Variants in ZNF212 observed in about 807,000 individuals in gnomAD.
ZNF212 encodes the protein Zinc finger protein C2H2-150.
ZNF212 carries 32 observed loss-of-function variants against 47.3 expected under a neutral mutation model. That is an observed-to-expected ratio of 0.68 (90% CI 0.51 to 0.91). The LOEUF is 0.91. Ranked by LOEUF, ZNF212 falls within the 40% of genes least tolerant of loss-of-function variation. The probability of loss-of-function intolerance (pLI) is 0.00; values close to 1 mark genes in which losing one functional copy is unlikely to be tolerated. For synonymous variants in ZNF212, 242 were observed against 253.8 expected, an observed-to-expected ratio of 0.95 and a Z score of 0.44; for missense variants, 555 against 622.8, an observed-to-expected ratio of 0.89 and a Z score of 1.16.
At chr7:149,252,818 G>C (rs1454533028) in intron 4 of ZNF212, 23 bp downstream of exon 4, 1 of 1,610,956 alleles carries the variant, frequency 6.2e-7, no homozygotes, top group Non-Finnish European at 8.5e-7. Flanking sequence ...GGAATATTCT[G>C]TTCCCCTTCC....
At chr7:149,250,849 C>A in intron 3 of ZNF212, 42 bp downstream of exon 3, 1 of 1,609,014 alleles carries the variant, frequency 6.2e-7, no homozygotes. Flanking sequence ...CTCAGACATA[C>A]TACAATTCCT....
chr7:149,240,155 G>C, intron 1 of ZNF212: 1 of 254,498 alleles, frequency 3.9e-6, no homozygotes, highest in East Asian at 7.1e-5. Context: ...GGTCTCCGTC[G>C]CTACGAGTGA....
rs747368385 is a variant in ZNF212 at position 149,250,808 on chromosome 7, G to A, written c.541+1G>A. ...AACTATGAGACACTGGTCTCTCTGA[G>A]TGAGTAGCAGTTTTCTCCCTAGAAT... On this transcript the variant is annotated splice_donor_variant, in intron 3 of 4. Coordinates refer to ENST00000335870, the MANE Select transcript of ZNF212 (RefSeq NM_012256.4). LOFTEE classifies it high-confidence loss of function. 2 of 1,614,198 alleles carry A rather than the reference G, an allele frequency of 1.2e-6. No individual in the cohort carries two copies. The highest frequency in any genetic ancestry group is 3.3e-5 in the Admixed American group (2 of 60,024).
rs181513942 is a variant in ZNF212 at position 149,253,470 on chromosome 7, T to C, written c.632-89T>C. On this transcript the variant is annotated intron_variant, in intron 4 of 4. Transcript: ENST00000335870. Reference sequence around the variant, plus strand: ...CCTAATTCACTTATTCCTGGGGTGCTTCTGAAATTCACAGATGTTTGTTTG... The same window carrying C: ...CCTAATTCACTTATTCCTGGGGTGCCTCTGAAATTCACAGATGTTTGTTTG... 28 of 1,484,492 alleles carry C rather than the reference T, an allele frequency of 1.9e-5. No homozygotes were observed. In the African/African-American group the frequency reaches 3.5e-4, roughly 19 times the overall value. The allele number at this position is 1,484,492 out of a possible 1,614,324, so 92.0% of individuals were successfully genotyped here. A position where few individuals can be genotyped will look rare whatever the true frequency, so the allele number is the denominator to read the frequency against.
intron 1 of ZNF212, among the ~76,000 whole-genome samples, chr7:149,245,009 A>C (rs1563187623): frequency 6.6e-6 from 1 of 152,220 alleles, no homozygotes; most frequent in Non-Finnish European, 1.5e-5. Flanking sequence ...GATGGTTGGA[A>C]TAGATACCTA....
At position 149,254,031 on chromosome 7, in the gene ZNF212, G is replaced by C. The variant is rs1411558555; in HGVS notation, c.1104G>C (p.Leu368=). 1 of 1,612,924 alleles carries C rather than the reference G, an allele frequency of 6.2e-7. No homozygotes were observed. The highest frequency in any genetic ancestry group is 1.1e-5 in the South Asian group (1 of 90,876). Reference sequence around the variant, plus strand: ...AACCACAGACCAAAAAGGCCAAGCTGCATCAGTGTGATGTGTGCCTGAGGA... The same window carrying C: ...AACCACAGACCAAAAAGGCCAAGCTCCATCAGTGTGATGTGTGCCTGAGGA... ...RLKPQTKKAK[L]HQCDVCLRSF... Residue 368 remains leucine (L), a synonymous_variant, in exon 5 of 5, where the codon CTG becomes CTC. Coordinates refer to ENST00000335870, the MANE Select transcript of ZNF212 (RefSeq NM_012256.4). This position sits in a 1 kb window ranked among gnomAD's most constrained non-coding sequence, Gnocchi z 4.5.
chr7:149,254,299 A>G lies in ZNF212; in HGVS notation c.1372A>G (p.Thr458Ala), dbSNP rs2129524428. The change falls in exon 5 of 5, where the codon ACT becomes GCT. Residue 458 changes from threonine to alanine, a missense_variant. Coordinates refer to ENST00000335870, the MANE Select transcript of ZNF212 (RefSeq NM_012256.4). This position sits in a 1 kb window ranked among gnomAD's most constrained non-coding sequence, Gnocchi z 4.5. ...CACGGGTGAGCGGCCCTACAGCTGCACTGAGTGTGAGAAGAGCTTTGTCCA... is the reference window on the plus strand; with the variant it reads ...CACGGGTGAGCGGCCCTACAGCTGCGCTGAGTGTGAGAAGAGCTTTGTCCA... ...IHTGERPYSC[T>A]ECEKSFVQKQ... 2 of 1,614,078 alleles carry G rather than the reference A, an allele frequency of 1.2e-6. No homozygotes were observed. The highest frequency in any genetic ancestry group is 1.7e-6 in the Non-Finnish European group (2 of 1,180,038).
At position 149,250,424 on chromosome 7, in the gene ZNF212, T is replaced by C. The variant is rs775892603; in HGVS notation, c.290T>C (p.Leu97Pro). ...CAGCTGGAGGGCAAGTGGGCCGTGC[T>C]GGGGACCCTGCTGCAGGAGTATGGG... Reference protein sequence around the residue: ...GNQLEGKWAVLGTLLQEYGLL... With the variant: ...GNQLEGKWAVPGTLLQEYGLL... The change falls in exon 2 of 5, where the codon CTG (leucine) becomes CCG (proline). Residue 97 changes from leucine (L) to proline (P), a missense_variant. Leu to Pro is a moderately conservative substitution (Grantham distance 98). Transcript: ENST00000335870. 19 of 1,614,028 alleles carry C rather than the reference T, an allele frequency of 1.2e-5. No individual in the cohort carries two copies. The Admixed American group carries it at 3.2e-4, about 27-fold the overall frequency.
chr7:149,243,382 C>G (rs1452760355), intron 1 of ZNF212, among the ~76,000 whole-genome samples: 1 of 124,310 alleles, frequency 8.0e-6, no homozygotes, highest in Admixed American at 1.0e-4. Flanking sequence ...TGCAGTGAGC[C>G]AAGATTGCGC....
rs1247493232 is a variant in ZNF212, at chr7:149,254,661, T to C, written c.*246T>C. The C allele has an allele frequency of 1.9e-6, 1 of 525,198 alleles. No individual in the cohort carries two copies. The highest frequency in any genetic ancestry group is 3.2e-6 in the Non-Finnish European group (1 of 311,610). The allele number at this position is 525,198 out of a possible 1,614,324, so 32.5% of individuals were successfully genotyped here. Reference sequence around the variant, plus strand: ...ACCTTCAGGTCTCTGGTTTTCTCATTCATGCCAATGCTTGTGGGCTGGGGT... The same window carrying C: ...ACCTTCAGGTCTCTGGTTTTCTCATCCATGCCAATGCTTGTGGGCTGGGGT... On this transcript the variant is annotated 3_prime_UTR_variant, in exon 5 of 5. Transcript: ENST00000335870. This position sits in a 1 kb window ranked among gnomAD's most constrained non-coding sequence, Gnocchi z 4.5.
Position 149,254,364 on chromosome 7 carries a change from G to A in ZNF212, c.1437G>A (p.Arg479=), listed in dbSNP as rs745363201. ...TGCAGCACCAGAAGATCCACCAGCGGGAGCGGGGTGGGCTGGCCCTGGAGC... is the reference window on the plus strand; with the variant it reads ...TGCAGCACCAGAAGATCCACCAGCGAGAGCGGGGTGGGCTGGCCCTGGAGC... ...HLLQHQKIHQ[R]ERGGLALEPG... is the part of the protein sequence containing the mutation. The change falls in exon 5 of 5, where the codon CGG becomes CGA. Residue 479 remains arginine (R), a synonymous_variant. Coordinates refer to ENST00000335870, the MANE Select transcript of ZNF212 (RefSeq NM_012256.4). This position sits in a 1 kb window ranked among gnomAD's most constrained non-coding sequence, Gnocchi z 4.5. 8 of 1,609,004 alleles carry A rather than the reference G, an allele frequency of 5.0e-6. No individual in the cohort carries two copies. The highest frequency in any genetic ancestry group is 1.7e-5 in the Admixed American group (1 of 60,014).
chr7:149,242,021 C>CTTTTTTTTTTTTTTTTTTTTTTTTTTTT (rs34883587), intron 1 of ZNF212, among the ~76,000 whole-genome samples: 4 of 121,346 alleles, frequency 3.3e-5, no homozygotes, highest in African/African-American at 6.2e-5. Context: ...CTTTTCTTTT[C>CTTTTTTTTTTTTTTTTTTTTTTTTTTTT]TTTTTTTTTT....
rs754345405 is a variant in ZNF212, at chr7:149,250,171, C to T, written c.37C>T (p.Arg13Ter). The change falls in exon 2 of 5, where the codon CGA (arginine) becomes TGA (stop). Residue 13 changes from arginine (R) to a stop codon, truncating the protein, a stop_gained. Coordinates refer to ENST00000335870, the MANE Select transcript of ZNF212 (RefSeq NM_012256.4). LOFTEE classifies it high-confidence loss of function. Reference sequence around the variant, plus strand: ...TTTAATCCATCAGCACAGGAGAAAACGACGCTCCACACCTTTAACTTCTTC... The same window carrying T: ...TTTAATCCATCAGCACAGGAGAAAATGACGCTCCACACCTTTAACTTCTTC... ...ESAPARHRRK[R>*]RSTPLTSSTL... 57 of 1,527,160 alleles carry T rather than the reference C, an allele frequency of 3.7e-5. No homozygotes were observed. Among genetic ancestry groups the T allele is most frequent in the African/African-American group, 1.8e-4 (13 of 71,936 alleles). The allele number at this position is 1,527,160 out of a possible 1,614,324, so 94.6% of individuals were successfully genotyped here.
At chr7:149,251,743 G>T (rs1305606905) in intron 3 of ZNF212, among the ~76,000 whole-genome samples, 1 of 151,772 alleles carries the variant, frequency 6.6e-6, no homozygotes, top group African/African-American at 2.4e-5. Context: ...ACCCACGTCG[G>T]CCTCCCAAAG....
In ZNF212 at chr7:149,254,764, G is replaced by A. The variant is rs1284150526; in HGVS notation, c.*349G>A. On this transcript the variant is annotated 3_prime_UTR_variant, in exon 5 of 5. Transcript: ENST00000335870. The surrounding 1 kb of genome is among the most constrained non-coding windows in gnomAD (Gnocchi z 4.5). ...ATTTCATGTCTTCCCACGGGGTTGA[G>A]TCGGGCCATAGGGGTGAGCAGCTGC... is the stretch of plus-strand genomic sequence containing the variant. 1 of 283,230 alleles carries A rather than the reference G, an allele frequency of 3.5e-6. No individual in the cohort carries two copies. The highest frequency in any genetic ancestry group is 6.6e-6 in the Non-Finnish European group (1 of 151,670). 17.5% of individuals were successfully genotyped at this position (283,230 alleles called of 1,614,324 possible).
chr7:149,244,335 CAG>C (rs1796644302), intron 1 of ZNF212, among the ~76,000 whole-genome samples: 1 of 152,048 alleles, frequency 6.6e-6, no homozygotes, highest in African/African-American at 2.4e-5. Context: ...TTTTCTGAGA[CAG>C]AGTCTCTCTC....
At chr7:149,253,197 GTTTGTC>G (rs139282807) in intron 4 of ZNF212, among the ~76,000 whole-genome samples, 11,054 of 152,074 alleles carry the variant, frequency 0.073, 474 homozygotes, top group African/African-American at 0.1. Context: ...TGTAGGTTTA[GTTTGTC>G]TTTAATCATT....
chr7:149,253,865 C>T lies in ZNF212; in HGVS notation c.938C>T (p.Ser313Phe). The change falls in exon 5 of 5, where the codon TCC (serine) becomes TTC (phenylalanine). Residue 313 changes from serine to phenylalanine, a missense_variant. Physicochemically the swap from Ser to Phe is radical, Grantham distance 155. Transcript: ENST00000335870. ...GGCCTGAAGCTGAAAAAGGACACTT[C>T]CCGCCCCTACGAATGTTCTGAGTGT... The part of the protein sequence containing the change: ...GQGLKLKKDT[S>F]RPYECSECEI... 1.2e-6 allele frequency: 2 copies of T among 1,614,060 alleles called. No individual in the cohort carries two copies. Among genetic ancestry groups the T allele is most frequent in the East Asian group, 2.2e-5 (1 of 44,882 alleles).
In ZNF212 at chr7:149,255,310, C is replaced by G. The variant is rs1796822610; in HGVS notation, c.*895C>G. 6.5e-6 allele frequency: 1 copy of G among 153,794 alleles called. No individual in the cohort carries two copies. 9.5% of individuals were successfully genotyped at this position (153,794 alleles called of 1,614,324 possible). A position where few individuals can be genotyped will look rare whatever the true frequency, so the allele number is the denominator to read the frequency against. ...TTCTGCAGCCTCCCAGAGTAGAAAACTACTTTGTTACTTAAGGTTGTTCAC... is the reference window on the plus strand; with the variant it reads ...TTCTGCAGCCTCCCAGAGTAGAAAAGTACTTTGTTACTTAAGGTTGTTCAC... On this transcript the variant is annotated 3_prime_UTR_variant, in exon 5 of 5. Coordinates refer to ENST00000335870, the MANE Select transcript of ZNF212 (RefSeq NM_012256.4).
Sources: gnomAD v4.1 joint callset for allele counts (sites outside exome capture counted in the v4.1 genomes callset) on GRCh38, gnomAD v4.1.1 for gene constraint, Gnocchi (gnomAD v3.1) non-coding constraint, MANE v1.5 for transcripts, NCBI Gene and HGNC (gene_info 2026-07-23, HGNC 2026-07-21) for gene names.